Variants in DCHS2 observed in about 807,000 individuals in gnomAD.
DCHS2 encodes the protein dachsous cadherin-related 2.
Under a neutral mutation model 182.4 loss-of-function variants are expected in DCHS2, and 142 were observed. The ratio of observed to expected loss-of-function variants is 0.78; its 90% CI spans 0.68 to 0.89. DCHS2 has a LOEUF of 0.89. Among genes scored for constraint, DCHS2 ranks in the 40% least tolerant of loss-of-function variants. The probability of loss-of-function intolerance (pLI) is 0.00; values close to 1 mark genes in which losing one functional copy is unlikely to be tolerated. For missense variants in DCHS2, 4,319 were observed against 4,198.6 expected, an observed-to-expected ratio of 1.03 and a Z score of -0.79; for synonymous variants, 1,740 against 1,663.3, an observed-to-expected ratio of 1.05 and a Z score of -1.12.
At chr4:154,276,288 G>T (rs1243829339) in intron 13 of DCHS2, among the ~76,000 whole-genome samples, 1 of 152,042 alleles carries the variant, frequency 6.6e-6, no homozygotes, top group Admixed American at 6.6e-5. Context: ...TTTATTTCAA[G>T]TCTGACACCG....
intron 1 of DCHS2, among the ~76,000 whole-genome samples, chr4:154,433,906 CAG>C (rs1381182702): frequency 6.6e-6 from 1 of 152,108 alleles, no homozygotes; most frequent in African/African-American, 2.4e-5. Context: ...TACCCAGTTT[CAG>C]AGTTCATCAG....
At chr4:154,384,059 A>T (rs1041808749) in intron 1 of DCHS2, among the ~76,000 whole-genome samples, 18 of 152,322 alleles carry the variant, frequency 1.2e-4, no homozygotes, top group Middle Eastern at 3.4e-3. Flanking sequence ...AGAAGAAAAA[A>T]ATCATTAAAT....
rs1345853444 is a variant in DCHS2 at position 154,491,005 on chromosome 4, G to C, written c.351C>G (p.His117Gln). ...SDDSPLLDDFHVHPDTGIIRT... is the reference protein window; with the variant it reads ...SDDSPLLDDFQVHPDTGIIRT... ...GGATGATGCCGGTGTCCGGGTGCAC[G>C]TGGAAGTCGTCCAGCAGCGGGGAGT... The change falls in exon 1 of 20, where the codon CAC becomes CAG. Residue 117 changes from histidine (H) to glutamine (Q), a missense_variant. Transcript: ENST00000357232. The C allele has an allele frequency of 6.4e-7, 1 of 1,550,438 alleles. No homozygotes were observed. Among genetic ancestry groups the C allele is most frequent in the Non-Finnish European group, 8.7e-7 (1 of 1,146,392 alleles).
At chr4:154,486,216 A>G (rs1174403653) in intron 1 of DCHS2, among the ~76,000 whole-genome samples, 2 of 152,304 alleles carry the variant, frequency 1.3e-5, no homozygotes, top group East Asian at 3.9e-4. Context: ...TAATTCCCTC[A>G]GTTCTGCCTC....
intron 7 of DCHS2, among the ~76,000 whole-genome samples, chr4:154,327,319 C>T (rs1736322013): frequency 6.6e-6 from 1 of 152,118 alleles, no homozygotes; most frequent in Admixed American, 6.5e-5. Context: ...TGAATGAGAT[C>T]TTTGGAAACT....
intron 14 of DCHS2, among the ~76,000 whole-genome samples, chr4:154,260,690 G>A (rs191030582): frequency 2.6e-4 from 39 of 152,068 alleles, no homozygotes; most frequent in Non-Finnish European, 4.1e-4. Flanking sequence ...CTCTTACAAA[G>A]CCTCTGCATT....
intron 1 of DCHS2, among the ~76,000 whole-genome samples, chr4:154,430,417 A>T (rs1468465375): frequency 4.6e-5 from 7 of 152,184 alleles, no homozygotes; most frequent in African/African-American, 7.2e-5. Context: ...CAGGAACATG[A>T]GTCTGTTTCC....
At chr4:154,439,404 C>A (rs766586788) in intron 1 of DCHS2, among the ~76,000 whole-genome samples, 21 of 118,810 alleles carry the variant, frequency 1.8e-4, no homozygotes, top group Admixed American at 4.6e-4. Flanking sequence ...CATTTTCACT[C>A]TTAATTTTTG....
chr4:154,417,158 A>AGTGTGTGTGTGT (rs778940410), intron 1 of DCHS2, among the ~76,000 whole-genome samples: 3 of 80,036 alleles, frequency 3.7e-5, no homozygotes, highest in African/African-American at 1.0e-4. Context: ...GCCGGTCCCG[A>AGTGTGTGTGTGT]GTGTGTGTGT....
chr4:154,361,298 C>T (rs1420518288), intron 3 of DCHS2, among the ~76,000 whole-genome samples: 3 of 152,002 alleles, frequency 2.0e-5, no homozygotes. Context: ...CAGGTAACTT[C>T]ACCTGCACAT....
intron 2 of DCHS2, chr4:154,373,886 A>G (rs1231056340): frequency 1.3e-6 from 2 of 1,566,552 alleles, no homozygotes; most frequent in Non-Finnish European, 1.7e-6. Context: ...CAGATGTTAA[A>G]AGACTCAGAT....
At chr4:154,316,137 A>G (rs2111325746) in intron 9 of DCHS2, 150 bp from the exon 10 acceptor site, 1 of 1,311,902 alleles carries the variant, frequency 7.6e-7, no homozygotes. Context: ...CTTTAAATGT[A>G]TACACTATCT....
intron 1 of DCHS2, among the ~76,000 whole-genome samples, chr4:154,424,154 C>A (rs1733226614): frequency 6.6e-6 from 1 of 151,560 alleles, no homozygotes. Flanking sequence ...TGTGCACAAA[C>A]AACAAAAAAA....
chr4:154,430,213 T>G (rs1381928224), intron 1 of DCHS2, among the ~76,000 whole-genome samples: 3 of 152,206 alleles, frequency 2.0e-5, no homozygotes, highest in Non-Finnish European at 4.4e-5. Flanking sequence ...AAACCTGTTG[T>G]CATGTCAGTT....
intron 1 of DCHS2, chr4:154,486,643 G>T: frequency 1.0e-6 from 1 of 957,176 alleles, no homozygotes; most frequent in Non-Finnish European, 1.4e-6. Context: ...AGGCAAGATG[G>T]GGGAGTTGGT....
intron 1 of DCHS2, among the ~76,000 whole-genome samples, chr4:154,421,520 G>A (rs1429643764): frequency 2.0e-5 from 3 of 152,210 alleles, no homozygotes; most frequent in African/African-American, 4.8e-5. Context: ...TCAGCCTCCT[G>A]AGTAGCTGGG....
rs1290677618 is a variant in DCHS2, at chr4:154,233,543, T to C, written c.*993A>G. The C allele has an allele frequency of 6.6e-6, 1 of 152,204 alleles. No individual in the cohort carries two copies. The highest frequency in any genetic ancestry group is 1.9e-4 in the East Asian group (1 of 5,206). The allele number at this position is 152,204 out of a possible 1,614,324, so 9.4% of individuals were successfully genotyped here. On this transcript the variant is annotated 3_prime_UTR_variant, in exon 20 of 20. Transcript: ENST00000357232. ...CTAAATTACTCTATGAGATTTATCATTAGCTAATGACATGATTTTTATCTA... is the reference window on the plus strand; with the variant it reads ...CTAAATTACTCTATGAGATTTATCACTAGCTAATGACATGATTTTTATCTA...
chr4:154,236,170 C>A lies in DCHS2; in HGVS notation c.8482G>T (p.Asp2828Tyr). The A allele has an allele frequency of 6.2e-7, 1 of 1,613,710 alleles. No homozygotes were observed. ...GCATGAATATCCCCTGTCAAAGGGT[C>A]AATGAGGAAGAGATCATGATCATAA... ...MSYDHDLFLI[D>Y]PLTGDIHAKQ... Residue 2828 changes from aspartate (D) to tyrosine (Y), a missense_variant, in exon 20 of 20, where the codon GAC becomes TAC. Transcript: ENST00000357232.
At chr4:154,484,694 T>A (rs1259995632) in intron 1 of DCHS2, among the ~76,000 whole-genome samples, 1 of 152,262 alleles carries the variant, frequency 6.6e-6, no homozygotes, top group Non-Finnish European at 1.5e-5. Context: ...TAATGGGCTA[T>A]GAAAATATAA....
Sources: gnomAD v4.1 joint callset for allele counts (sites outside exome capture counted in the v4.1 genomes callset) on GRCh38, gnomAD v4.1.1 for gene constraint, MANE v1.5 for transcripts, NCBI Gene and HGNC (gene_info 2026-07-23, HGNC 2026-07-21) for gene names.